Variants in NSD2 observed in about 807,000 individuals in gnomAD.
NSD2 encodes the protein nuclear receptor binding SET domain protein 2, also known as histone-lysine N-methyltransferase NSD2.
Under a neutral mutation model 139.0 loss-of-function variants are expected in NSD2, and 12 were observed. The ratio of observed to expected loss-of-function variants is 0.09; its 90% CI spans 0.06 to 0.14. The LOEUF (loss-of-function observed/expected upper bound fraction) is 0.14. NSD2 is among the 10% of genes least tolerant of loss of function. NSD2 has a pLI of 1.00. For missense variants in NSD2, 1,155 were observed against 1,745.0 expected, an observed-to-expected ratio of 0.66 and a Z score of 6.02; for synonymous variants, 669 against 648.7, an observed-to-expected ratio of 1.03 and a Z score of -0.48.
rs188284129 is a variant in NSD2, at chr4:1,958,055, G to A, written c.2985+19G>A. ...CATCAAGGTGGCGTGTGGGAGCTGC[G>A]TGCACGCGTGTGGAGGGAGTCTTCC... On this transcript the variant is annotated intron_variant, in intron 16 of 21. Coordinates refer to ENST00000508803, the MANE Select transcript of NSD2 (RefSeq NM_001042424.3). The surrounding 1 kb of genome is among the most constrained non-coding windows in gnomAD (Gnocchi z 4.6). 3.5e-5 allele frequency: 57 copies of A among 1,610,330 alleles called. No homozygotes were observed. The East Asian group carries it at 8.7e-4, about 25-fold the overall frequency.
chr4:1,963,872 C>G (rs186638445), intron 18 of NSD2, among the ~76,000 whole-genome samples: 4 of 152,258 alleles, frequency 2.6e-5, no homozygotes, highest in Admixed American at 6.5e-5. Context: ...ATTAGCCGTG[C>G]CTGTGATTCC....
intron 1 of NSD2, among the ~76,000 whole-genome samples, chr4:1,881,912 T>C (rs1714735078): frequency 2.0e-5 from 3 of 152,046 alleles, no homozygotes; most frequent in African/African-American, 7.2e-5. Context: ...GAGTATCAGA[T>C]GGAGGGAAGA....
intron 5 of NSD2, among the ~76,000 whole-genome samples, chr4:1,927,883 G>C (rs182080307): frequency 6.6e-6 from 1 of 151,596 alleles, no homozygotes; most frequent in Non-Finnish European, 1.5e-5. Flanking sequence ...TGTTTTTTTG[G>C]TATGTTTTAA....
Position 1,955,270 on chromosome 4 carries a change from C to T in NSD2, c.2448C>T (p.His816=). ...IASNSIICTA[H]FTARKGKRHH... ...CCAACAGCATCATCTGCACTGCCCA[C>T]TTCACTGCTCGGAAGGGGAAGCGAC... is the stretch of plus-strand genomic sequence containing the variant. Residue 816 remains histidine (H), a synonymous_variant, in exon 13 of 22, where the codon CAC becomes CAT. Coordinates refer to ENST00000508803, the MANE Select transcript of NSD2 (RefSeq NM_001042424.3). This position sits in a 1 kb window ranked among gnomAD's most constrained non-coding sequence, Gnocchi z 4.7. 1.2e-6 allele frequency: 2 copies of T among 1,614,180 alleles called. No individual in the cohort carries two copies. Among genetic ancestry groups the T allele is most frequent in the South Asian group, 2.2e-5 (2 of 91,082 alleles).
At chr4:1,964,632 G>T (rs545302897) in intron 18 of NSD2, among the ~76,000 whole-genome samples, 1 of 151,974 alleles carries the variant, frequency 6.6e-6, no homozygotes, top group Non-Finnish European at 1.5e-5. Context: ...GGTGCGCTGC[G>T]CTGCCGTTGT....
chr4:1,907,449 A>T (rs1449506576), intron 3 of NSD2, among the ~76,000 whole-genome samples: 1 of 151,246 alleles, frequency 6.6e-6, no homozygotes. Context: ...ATAATGCCAA[A>T]TGGGTATACT....
At position 1,872,635 on chromosome 4, in the gene NSD2, AGCGC is replaced by A. The variant is rs1553856500; in HGVS notation, c.-30+1096_-30+1099del. 2.3e-3 allele frequency among the ~76,000 whole-genome samples: 281 copies of A among 120,140 alleles called. 5 individuals are homozygous for A. In the East Asian group the frequency reaches 0.026, roughly 11 times the overall value. The allele number at this position is 120,140 out of a possible 152,430, so 78.8% of individuals were successfully genotyped here. The stretch of plus-strand genomic sequence containing the variant: ...GAGAGAGAGAGAGAGAGAGAGAGAG[AGCGC>A]GCAGACCCTGTGAAGACAAGACTAA... On this transcript the variant is annotated intron_variant, in intron 1 of 21. Coordinates refer to ENST00000508803, the MANE Select transcript of NSD2 (RefSeq NM_001042424.3).
intron 3 of NSD2, among the ~76,000 whole-genome samples, chr4:1,915,859 C>T (rs1719318418): frequency 1.3e-5 from 2 of 152,090 alleles, no homozygotes; most frequent in South Asian, 4.1e-4. Context: ...TGGTAACTGC[C>T]CCCACCCTGT....
chr4:1,937,566 T>C (rs1031082307), intron 7 of NSD2, among the ~76,000 whole-genome samples: 5 of 152,306 alleles, frequency 3.3e-5, no homozygotes, highest in South Asian at 4.1e-4. Flanking sequence ...TCTCTTCAGA[T>C]TTGGGTTTTA....
rs186929389 is a variant in NSD2 at position 1,927,311 on chromosome 4, T to C, written c.1411-3315T>C. 9.9e-5 allele frequency among the ~76,000 whole-genome samples: 15 copies of C among 151,936 alleles called. No homozygotes were observed. The East Asian group carries it at 1.7e-3, about 18-fold the overall frequency. ...TTATTGACTACGCCGTAAGCAGTAGTGGGGGCTTGAGCTCTAGGAGGCAGG... is the reference window on the plus strand; with the variant it reads ...TTATTGACTACGCCGTAAGCAGTAGCGGGGGCTTGAGCTCTAGGAGGCAGG... On this transcript the variant is annotated intron_variant, in intron 5 of 21. Coordinates refer to ENST00000508803, the MANE Select transcript of NSD2 (RefSeq NM_001042424.3).
chr4:1,977,790 CAAAAAA>C (rs111398358), intron 21 of NSD2, among the ~76,000 whole-genome samples: 1 of 96,082 alleles, frequency 1.0e-5, no homozygotes, highest in Non-Finnish European at 2.2e-5. Context: ...AGACTCCACT[CAAAAAA>C]AAAAAAAACC....
chr4:1,874,342 G>T (rs1577343915), intron 1 of NSD2, among the ~76,000 whole-genome samples: 2 of 152,098 alleles, frequency 1.3e-5, no homozygotes, highest in East Asian at 1.9e-4. Flanking sequence ...CTTGGGTGTG[G>T]ACTACCTGCC....
chr4:1,960,577 G>A (rs76923105), intron 17 of NSD2, among the ~76,000 whole-genome samples: 1 of 152,218 alleles, frequency 6.6e-6, no homozygotes, highest in Non-Finnish European at 1.5e-5. Flanking sequence ...CATAAGCCTG[G>A]TGCCAGTTCC....
intron 5 of NSD2, among the ~76,000 whole-genome samples, chr4:1,925,461 C>T (rs1720764702): frequency 6.9e-6 from 1 of 145,290 alleles, no homozygotes; most frequent in Non-Finnish European, 1.5e-5. Flanking sequence ...TGCGAAGGCG[C>T]CACCTCGGCC....
Position 1,952,110 on chromosome 4 carries a change from G to A in NSD2, c.2016G>A (p.Leu672=), listed in dbSNP as rs770355147. The change falls in exon 11 of 22, where the codon CTG becomes CTA. Residue 672 remains leucine (L), a splice_region_variant and synonymous_variant. Transcript: ENST00000508803. The part of the protein sequence containing the change: ...VTAKKEYVCQ[L]CEKPGSLLLC... Reference sequence around the variant, plus strand: ...ACCCGCCTGCTCTGCCCCCGCAGCTGTGTGAGAAGCCGGGCAGCCTCCTGC... The same window carrying A: ...ACCCGCCTGCTCTGCCCCCGCAGCTATGTGAGAAGCCGGGCAGCCTCCTGC... 1.9e-6 allele frequency: 3 copies of A among 1,613,954 alleles called. No homozygotes were observed. Among genetic ancestry groups the A allele is most frequent in the Non-Finnish European group, 2.5e-6 (3 of 1,179,910 alleles).
At chr4:1,922,423 C>G (rs1720272817) in intron 5 of NSD2, among the ~76,000 whole-genome samples, 1 of 152,108 alleles carries the variant, frequency 6.6e-6, no homozygotes, top group Non-Finnish European at 1.5e-5. Flanking sequence ...TTTAGCAGAC[C>G]TCAATAAAGA....
chr4:1,894,159 G>A (rs1405301597), intron 1 of NSD2, among the ~76,000 whole-genome samples: 1 of 152,046 alleles, frequency 6.6e-6, no homozygotes, highest in African/African-American at 2.4e-5. Flanking sequence ...GTCTTACTAT[G>A]TTGGCCAGGC....
Position 1,951,068 on chromosome 4 carries a change from C to CTA in NSD2, c.1882-3_1882-2dup, listed in dbSNP as rs1724173150. On this transcript the variant is annotated splice_polypyrimidine_tract_variant and splice_region_variant and intron_variant, in intron 9 of 21. Transcript: ENST00000508803. ...GAACTGTCATCCGCCTCCTTCATCTCTAGGTCTCGGACAGCCCGGGAGACG... is the reference window on the plus strand; with the variant it reads ...GAACTGTCATCCGCCTCCTTCATCTCTATAGGTCTCGGACAGCCCGGGAGACG... 1.2e-6 allele frequency: 2 copies of CTA among 1,614,060 alleles called. No homozygotes were observed. Among genetic ancestry groups the CTA allele is most frequent in the East Asian group, 4.5e-5 (2 of 44,878 alleles).
At chr4:1,905,071 A>G (rs1023260272) in intron 3 of NSD2, among the ~76,000 whole-genome samples, 16 of 152,292 alleles carry the variant, frequency 1.1e-4, no homozygotes, top group South Asian at 6.2e-4. Context: ...TGGAGGTTGC[A>G]GTGAGCCGAG....
Sources: gnomAD v4.1 joint callset for allele counts (sites outside exome capture counted in the v4.1 genomes callset) on GRCh38, gnomAD v4.1.1 for gene constraint, Gnocchi (gnomAD v3.1) non-coding constraint, MANE v1.5 for transcripts, NCBI Gene and HGNC (gene_info 2026-07-23, HGNC 2026-07-21) for gene names.